The following BNC2 variants were observed in gnomAD, a reference collection of about 807,000 sequenced individuals.
BNC2 encodes the protein basonuclin zinc finger protein 2, also known as zinc finger protein basonuclin-2.
In BNC2, 20 loss-of-function variants were observed where a neutral mutation model predicts 76.3. The ratio of observed to expected loss-of-function variants is 0.26; its 90% CI spans 0.18 to 0.38. BNC2 has a LOEUF of 0.38. BNC2 is among the 10% of genes least tolerant of loss of function. BNC2 has a pLI of 1.00. For missense variants in BNC2, 1,382 were observed against 1,399.8 expected (o/e 0.99, Z 0.20); for synonymous variants, 582 against 514.8 (o/e 1.13, Z -1.77).
chr9:16,757,611 T>C (rs1480774997), intron 1 of BNC2, among the ~76,000 whole-genome samples: 1 of 151,310 alleles, frequency 6.6e-6, no homozygotes, highest in East Asian at 2.0e-4. Flanking sequence ...AACAACAACA[T>C]TAACAATAGC....
At chr9:16,503,060 G>T (rs1260474199) in intron 5 of BNC2, among the ~76,000 whole-genome samples, 2 of 152,166 alleles carry the variant, frequency 1.3e-5, no homozygotes, top group Admixed American at 1.3e-4. Context: ...CTCTTGCCCT[G>T]AGATAAATTT....
intron 5 of BNC2, among the ~76,000 whole-genome samples, chr9:16,518,897 G>A (rs73417442): frequency 0.1 from 15,869 of 152,128 alleles, 1,122 homozygotes; most frequent in East Asian, 0.25. Context: ...CACTGAGCCC[G>A]GCCCTAAAGT....
At chr9:16,577,881 T>C (rs1212733450) in intron 4 of BNC2, among the ~76,000 whole-genome samples, 3 of 152,128 alleles carry the variant, frequency 2.0e-5, no homozygotes, top group Admixed American at 6.6e-5. Flanking sequence ...GAATGGTATA[T>C]CCTTTCATTT....
chr9:16,613,568 G>T (rs1374779735), intron 3 of BNC2, among the ~76,000 whole-genome samples: 1 of 152,156 alleles, frequency 6.6e-6, no homozygotes, highest in African/African-American at 2.4e-5. Context: ...AAGGAGATCA[G>T]CTACTACCTT....
At chr9:16,691,631 T>C (rs1437106784) in intron 3 of BNC2, among the ~76,000 whole-genome samples, 1 of 149,468 alleles carries the variant, frequency 6.7e-6, no homozygotes, top group Non-Finnish European at 1.5e-5. Flanking sequence ...TGCCTCAGCC[T>C]CCCGAGTAGC....
At chr9:16,727,442 T>A (rs929856114) in intron 3 of BNC2, 4 of 235,210 alleles carry the variant, frequency 1.7e-5, no homozygotes, top group Non-Finnish European at 3.3e-5. Context: ...ACGAAGTGAT[T>A]CATATTGATA....
intron 1 of BNC2, among the ~76,000 whole-genome samples, chr9:16,861,972 G>A (rs1314577754): frequency 6.6e-6 from 1 of 151,272 alleles, no homozygotes. Context: ...CTGGGCGACA[G>A]AGCGAGACTC....
intron 5 of BNC2, among the ~76,000 whole-genome samples, chr9:16,479,085 C>G (rs2131479218): frequency 6.6e-6 from 1 of 152,018 alleles, no homozygotes; most frequent in East Asian, 1.9e-4. Flanking sequence ...AACCCTGTCT[C>G]TACCAAAAAA....
chr9:16,670,760 C>A (rs1822452053), intron 3 of BNC2, among the ~76,000 whole-genome samples: 1 of 152,206 alleles, frequency 6.6e-6, no homozygotes, highest in South Asian at 2.1e-4. Flanking sequence ...GAGAAGTACA[C>A]TACAATAAAT....
intron 3 of BNC2, among the ~76,000 whole-genome samples, chr9:16,664,681 G>C (rs1369916602): frequency 6.7e-6 from 1 of 149,768 alleles, no homozygotes; most frequent in Non-Finnish European, 1.5e-5. Flanking sequence ...GGGCAATAAG[G>C]GTATTCAGGA....
chr9:16,652,807 T>A (rs1282888447), intron 3 of BNC2, among the ~76,000 whole-genome samples: 1 of 152,166 alleles, frequency 6.6e-6, no homozygotes, highest in Non-Finnish European at 1.5e-5. Flanking sequence ...ATCCTCCCTG[T>A]TATTGTTAGT....
At chr9:16,481,246 A>C (rs1822049238) in intron 5 of BNC2, among the ~76,000 whole-genome samples, 1 of 152,122 alleles carries the variant, frequency 6.6e-6, no homozygotes, top group Non-Finnish European at 1.5e-5. Flanking sequence ...CGGCTCTACC[A>C]ATCAGCAGGA....
chr9:16,768,540 C>T (rs1825754295), intron 1 of BNC2, among the ~76,000 whole-genome samples: 1 of 151,972 alleles, frequency 6.6e-6, no homozygotes, highest in Admixed American at 6.6e-5. Flanking sequence ...ACCAAATGCA[C>T]ATGTTAGTAG....
At chr9:16,510,905 A>C (rs189012044) in intron 5 of BNC2, among the ~76,000 whole-genome samples, 1 of 152,266 alleles carries the variant, frequency 6.6e-6, no homozygotes, top group African/African-American at 2.4e-5. Flanking sequence ...AAAATATTAC[A>C]TTTCCTTCCA....
At position 16,718,520 on chromosome 9, in the gene BNC2, A is replaced by G. The variant is rs1824055868; in HGVS notation, c.330+9277T>C. Reference sequence around the variant, plus strand: ...AAAGGGAAATAATGAGACATCTGAAATTTGAGTCAGAGAGACTCATCCTGG... The same window carrying G: ...AAAGGGAAATAATGAGACATCTGAAGTTTGAGTCAGAGAGACTCATCCTGG... On this transcript the variant is annotated intron_variant, in intron 3 of 6. Coordinates refer to ENST00000380672, the MANE Select transcript of BNC2 (RefSeq NM_017637.6). 2.6e-5 allele frequency among the ~76,000 whole-genome samples: 4 copies of G among 152,178 alleles called. No homozygotes were observed. The South Asian group carries it at 8.3e-4, about 31-fold the overall frequency.
rs535646659 is a variant in BNC2 at position 16,582,615 on chromosome 9, G to A, written c.433+368C>T. Among the ~76,000 whole-genome samples the A allele has an allele frequency of 2.6e-5, 4 of 152,290 alleles. No individual in the cohort carries two copies. In the East Asian group the frequency reaches 7.7e-4, roughly 29 times the overall value. The stretch of plus-strand genomic sequence containing the variant: ...AGTCATCGAGGAGTTCTCAAGCAAG[G>A]AGGATTTGCCAGCTTCCCTCTGAGG... On this transcript the variant is annotated intron_variant, in intron 4 of 6. Coordinates refer to ENST00000380672, the MANE Select transcript of BNC2 (RefSeq NM_017637.6).
intron 3 of BNC2, among the ~76,000 whole-genome samples, chr9:16,725,137 G>A (rs944920119): frequency 3.3e-5 from 5 of 151,888 alleles, no homozygotes; most frequent in African/African-American, 1.2e-4. Context: ...TAGCGTAACT[G>A]TATATATTGA....
rs536142397 is a variant in BNC2 at position 16,649,626 on chromosome 9, A to G, written c.331-66541T>C. ...ACTACAAGCTTGAAAAGCCACTTCT[A>G]CAGGCCTCTGTTTCTTTTAATCTTA... On this transcript the variant is annotated intron_variant, in intron 3 of 6. Coordinates refer to ENST00000380672, the MANE Select transcript of BNC2 (RefSeq NM_017637.6). Among the ~76,000 whole-genome samples the G allele has an allele frequency of 2.0e-4, 31 of 152,312 alleles. No homozygotes were observed. In the South Asian group the frequency reaches 6.4e-3, roughly 32 times the overall value.
At chr9:16,865,302 C>G (rs914622144) in intron 1 of BNC2, among the ~76,000 whole-genome samples, 1 of 152,038 alleles carries the variant, frequency 6.6e-6, no homozygotes, top group African/African-American at 2.4e-5. Flanking sequence ...AGGAGTTTCA[C>G]ATTCTGCCTT....
Sources: allele counts gnomAD v4.1 joint callset (sites outside exome capture counted in the v4.1 genomes callset), GRCh38; gene constraint gnomAD v4.1.1; transcripts MANE v1.5; gene names NCBI Gene and HGNC (gene_info 2026-07-23, HGNC 2026-07-21).